The following RCOR1 variants were observed in gnomAD, a reference collection of about 807,000 sequenced individuals.
RCOR1 encodes the protein REST corepressor 1, also known as REST corepressor.
Under a neutral mutation model 64.0 loss-of-function variants are expected in RCOR1, and 12 were observed. The observed-to-expected ratio is 0.19, with a 90% CI of 0.12 to 0.30. The LOEUF (loss-of-function observed/expected upper bound fraction) is 0.30. Among genes scored for constraint, RCOR1 ranks in the 10% least tolerant of loss-of-function variants. The pLI, the probability that RCOR1 is intolerant of heterozygous loss-of-function variation, is 1.00. For synonymous variants in RCOR1, 279 were observed against 227.2 expected, an observed-to-expected ratio of 1.23 and a Z score of -2.05; for missense variants, 502 against 621.2, an observed-to-expected ratio of 0.81 and a Z score of 2.04.
intron 2 of RCOR1, among the ~76,000 whole-genome samples, chr14:102,621,571 A>AT (rs370789032): frequency 6.7e-6 from 1 of 150,352 alleles, no homozygotes; most frequent in Non-Finnish European, 1.5e-5. Flanking sequence ...TTACTATTTC[A>AT]TTTTTTTCTT....
chr14:102,637,244 A>C (rs1348740075), intron 2 of RCOR1, among the ~76,000 whole-genome samples: 22 of 150,656 alleles, frequency 1.5e-4, no homozygotes, highest in Admixed American at 1.1e-3. Context: ...CTCCTGCCTC[A>C]GCCTCCCGAG....
chr14:102,609,085 C>T (rs1285966873), intron 2 of RCOR1, among the ~76,000 whole-genome samples: 1 of 141,554 alleles, frequency 7.1e-6, no homozygotes, highest in Non-Finnish European at 1.5e-5. Context: ...TGCTCTGTTG[C>T]CCAGGCTGGG....
At chr14:102,721,578 G>A in intron 10 of RCOR1, 1 of 385,916 alleles carries the variant, frequency 2.6e-6, no homozygotes, top group Non-Finnish European at 4.6e-6. Context: ...TTTTTTAATG[G>A]AAAAAAAAGA....
At chr14:102,634,494 G>A (rs1018394778) in intron 2 of RCOR1, among the ~76,000 whole-genome samples, 1 of 151,942 alleles carries the variant, frequency 6.6e-6, no homozygotes, top group African/African-American at 2.4e-5. Context: ...TGAATATCTG[G>A]TTCCCACTAT....
rs189540304 is a variant in RCOR1, at chr14:102,613,224, C to T, written c.361+19899C>T. On this transcript the variant is annotated intron_variant, in intron 2 of 11. Coordinates refer to ENST00000262241, the MANE Select transcript of RCOR1 (RefSeq NM_015156.4). ...TCAAGCAGTTCTTGTGCCTCAGCCT[C>T]CCGAGTAGCTGGGACTACAGGCGTG... Among the ~76,000 whole-genome samples the T allele has an allele frequency of 3.8e-3, 575 of 151,814 alleles. 4 individuals are homozygous for T. The highest frequency in any genetic ancestry group is 0.013 in the African/African-American group (523 of 41,240).
chr14:102,710,750 A>G (rs757845719), intron 6 of RCOR1, 185 bp from the exon 7 acceptor site: 3 of 573,116 alleles, frequency 5.2e-6, no homozygotes, highest in Non-Finnish European at 9.2e-6. Context: ...TGGAGTTGGT[A>G]TTCTGTTTGA....
At chr14:102,632,381 C>T (rs1894132372) in intron 2 of RCOR1, among the ~76,000 whole-genome samples, 1 of 150,820 alleles carries the variant, frequency 6.6e-6, no homozygotes, top group South Asian at 2.1e-4. Flanking sequence ...CCACGCCCGG[C>T]TCATTTTTTG....
rs375305619 is a variant in RCOR1 at position 102,630,397 on chromosome 14, C to A, written c.361+37072C>A. Among the ~76,000 whole-genome samples the A allele has an allele frequency of 1.4e-4, 22 of 152,280 alleles. No individual in the cohort carries two copies. In the East Asian group the frequency reaches 4.2e-3, roughly 29 times the overall value. ...TGAATTTCTTTTCTTTGTCAGTTACCCAGTGTCATGTATTCCTTTATAGGA... is the reference window on the plus strand; with the variant it reads ...TGAATTTCTTTTCTTTGTCAGTTACACAGTGTCATGTATTCCTTTATAGGA... On this transcript the variant is annotated intron_variant, in intron 2 of 11. Transcript: ENST00000262241.
intron 8 of RCOR1, 136 bp downstream of exon 8, chr14:102,714,753 T>G (rs1896033787): frequency 3.2e-6 from 2 of 624,602 alleles, no homozygotes; most frequent in South Asian, 5.3e-5. Flanking sequence ...GGACAGATCT[T>G]AAGTACCAGC....
intron 2 of RCOR1, among the ~76,000 whole-genome samples, chr14:102,618,630 AT>A (rs1893811641): frequency 1.3e-5 from 2 of 152,234 alleles, no homozygotes; most frequent in South Asian, 4.1e-4. Flanking sequence ...AACTAAACAA[AT>A]TTCTCTGGCT....
In RCOR1 at chr14:102,592,828, C is replaced by T; in HGVS notation, c.-59C>T. On this transcript the variant is annotated 5_prime_UTR_variant, in exon 1 of 12. Coordinates refer to ENST00000262241, the MANE Select transcript of RCOR1 (RefSeq NM_015156.4). ...CCCCGCGCCCCCTCCCCCGTCTCGGCGCCCCCTCCTCAGGAGCCGCGGGTC... is the reference window on the plus strand; with the variant it reads ...CCCCGCGCCCCCTCCCCCGTCTCGGTGCCCCCTCCTCAGGAGCCGCGGGTC... 8.5e-7 allele frequency: 1 copy of T among 1,172,760 alleles called. No homozygotes were observed. The highest frequency in any genetic ancestry group is 1.1e-6 in the Non-Finnish European group (1 of 950,592). 72.6% of individuals were successfully genotyped at this position (1,172,760 alleles called of 1,614,324 possible). A position where few individuals can be genotyped will look rare whatever the true frequency, so the allele number is the denominator to read the frequency against.
chr14:102,675,370 ATTAAT>A (rs1437710183), intron 2 of RCOR1, among the ~76,000 whole-genome samples: 2 of 152,224 alleles, frequency 1.3e-5, no homozygotes, highest in African/African-American at 2.4e-5. Flanking sequence ...TATGATAAAG[ATTAAT>A]TTATAAGTTA....
chr14:102,629,754 T>C (rs1202740335), intron 2 of RCOR1, among the ~76,000 whole-genome samples: 2 of 152,242 alleles, frequency 1.3e-5, no homozygotes, highest in African/African-American at 4.8e-5. Flanking sequence ...AGTCTGCATA[T>C]GTGAGTGTAA....
chr14:102,659,411 T>A (rs1456760817), intron 2 of RCOR1: 1 of 352,172 alleles, frequency 2.8e-6, no homozygotes, highest in Non-Finnish European at 4.0e-6. Flanking sequence ...TAAAAATTCA[T>A]CTTATTTTAC....
intron 2 of RCOR1, chr14:102,658,647 C>T (rs1894772970): frequency 3.0e-6 from 3 of 984,356 alleles, no homozygotes; most frequent in South Asian, 4.7e-5. Context: ...CCTCTTACAT[C>T]ACCAAGGTGT....
intron 2 of RCOR1, chr14:102,657,414 G>T (rs1894749213): frequency 2.0e-6 from 2 of 985,066 alleles, no homozygotes; most frequent in East Asian, 1.1e-4. Flanking sequence ...CTTTTCTGAT[G>T]ATGTTTTTGT....
At chr14:102,647,150 T>G (rs923266728) in intron 2 of RCOR1, among the ~76,000 whole-genome samples, 43 of 152,138 alleles carry the variant, frequency 2.8e-4, no homozygotes, top group African/African-American at 1.0e-3. Context: ...AAAAATAGAT[T>G]GGTACATCAC....
At chr14:102,613,990 G>A (rs981024550) in intron 2 of RCOR1, among the ~76,000 whole-genome samples, 3 of 147,642 alleles carry the variant, frequency 2.0e-5, no homozygotes, top group Non-Finnish European at 3.0e-5. Context: ...CTGCCTCCCA[G>A]GTTTAAGGGA....
chr14:102,720,514 C>A (rs927802598), intron 8 of RCOR1, among the ~76,000 whole-genome samples: 2 of 152,200 alleles, frequency 1.3e-5, no homozygotes, highest in Non-Finnish European at 2.9e-5. Flanking sequence ...TTAAAGAAAT[C>A]TATGCTTGTG....
Sources: gnomAD v4.1 joint callset for allele counts (sites outside exome capture counted in the v4.1 genomes callset) on GRCh38, gnomAD v4.1.1 for gene constraint, MANE v1.5 for transcripts, NCBI Gene and HGNC (gene_info 2026-07-23, HGNC 2026-07-21) for gene names.